Variants in OGDH observed in about 807,000 individuals in gnomAD.
The protein encoded by OGDH is oxoglutarate dehydrogenase.
In OGDH, 38 loss-of-function variants were observed where a neutral mutation model predicts 116.6. The ratio of observed to expected loss-of-function variants is 0.33; its 90% CI spans 0.25 to 0.43. OGDH has a LOEUF of 0.43. Among genes scored for constraint, OGDH ranks in the 20% least tolerant of loss-of-function variants. OGDH has a pLI of 1.00. For synonymous variants in OGDH, 488 were observed against 533.3 expected, an observed-to-expected ratio of 0.92 and a Z score of 1.17; for missense variants, 825 against 1,357.2, an observed-to-expected ratio of 0.61 and a Z score of 6.16.
Position 44,631,066 on chromosome 7 carries a change from C to T in OGDH, c.222+6501C>T, listed in dbSNP as rs144147888. Among the ~76,000 whole-genome samples, 289 of 152,264 alleles carry T rather than the reference C, an allele frequency of 1.9e-3. 5 individuals carry two copies. The East Asian group carries it at 0.047, about 25-fold the overall frequency. Reference sequence around the variant, plus strand: ...GTTCCAAACAGGCCACTGACCAGTACTGGTCTGTGGCCCGGGGGTTGGGGA... The same window carrying T: ...GTTCCAAACAGGCCACTGACCAGTATTGGTCTGTGGCCCGGGGGTTGGGGA... On this transcript the variant is annotated intron_variant, in intron 2 of 22. Transcript: ENST00000222673.
intron 10 of OGDH, 119 bp downstream of exon 10, chr7:44,681,967 C>G (rs1787946488): frequency 7.4e-7 from 1 of 1,354,552 alleles, no homozygotes; most frequent in Non-Finnish European, 1.0e-6. Flanking sequence ...TTATTAAAAA[C>G]CAGGTGCAGT....
chr7:44,636,355 A>C (rs2115654810), intron 2 of OGDH, among the ~76,000 whole-genome samples: 1 of 152,344 alleles, frequency 6.6e-6, no homozygotes, highest in Admixed American at 6.5e-5. Context: ...CTTGGCCCTC[A>C]AGACTCCCAA....
At chr7:44,624,186 T>G in intron 1 of OGDH, 131 bp from the exon 2 acceptor site, 2 of 645,232 alleles carry the variant, frequency 3.1e-6, no homozygotes, top group Non-Finnish European at 5.3e-6. Context: ...TTGTTTTTGT[T>G]TTTGTTTTTC....
intron 10 of OGDH, among the ~76,000 whole-genome samples, chr7:44,693,215 G>A (rs1788437355): frequency 6.6e-6 from 1 of 152,028 alleles, no homozygotes; most frequent in African/African-American, 2.4e-5. Context: ...GGCTAAGGCA[G>A]GATAATCGCT....
chr7:44,678,906 C>G (rs753448345), intron 9 of OGDH, among the ~76,000 whole-genome samples: 77 of 152,182 alleles, frequency 5.1e-4, no homozygotes, highest in Non-Finnish European at 9.6e-4. Context: ...ATCCCATAAC[C>G]TCATGCATGA....
In OGDH at chr7:44,624,562, T is replaced by G; in HGVS notation, c.219T>G (p.His73Gln). 1.2e-6 allele frequency: 2 copies of G among 1,612,996 alleles called. No individual in the cohort carries two copies. The highest frequency in any genetic ancestry group is 1.7e-6 in the Non-Finnish European group (2 of 1,179,810). The change falls in exon 2 of 23, where the codon CAT (histidine) becomes CAG (glutamine). Residue 73 changes from histidine to glutamine, a missense_variant. Physicochemically the swap from His to Gln is conservative, Grantham distance 24 (BLOSUM62 0). Transcript: ENST00000222673. ...CAWLENPKSV[H>Q]KSWDIFFRNT... ...GGCTGGAAAACCCCAAAAGTGTACA[T>G]AAGGTAAGGCTCGCAGGGCTGTGGG...
Position 44,635,443 on chromosome 7 carries a change from G to A in OGDH, c.223-9884G>A, listed in dbSNP as rs538299973. 1.3e-3 allele frequency among the ~76,000 whole-genome samples: 204 copies of A among 152,182 alleles called. 1 individual carries two copies. Among genetic ancestry groups the A allele is most frequent in the African/African-American group, 4.7e-3 (195 of 41,556 alleles). ...AAGGAGACCGGAGCCTGCCCCACCC[G>A]CGCCGCGGATTATTTAGACAAGGTG... On this transcript the variant is annotated intron_variant, in intron 2 of 22. Transcript: ENST00000222673.
chr7:44,612,108 G>A (rs1428979205), intron 1 of OGDH, among the ~76,000 whole-genome samples: 1 of 152,028 alleles, frequency 6.6e-6, no homozygotes. Context: ...TTTTTGTGGG[G>A]GGTTTTTGCT....
chr7:44,608,004 CATT>C (rs1055495866), intron 1 of OGDH, among the ~76,000 whole-genome samples: 1 of 151,678 alleles, frequency 6.6e-6, no homozygotes, highest in African/African-American at 2.4e-5. Flanking sequence ...CCCGGCCCCT[CATT>C]ATTTTTTTTA....
intron 1 of OGDH, among the ~76,000 whole-genome samples, chr7:44,613,726 C>G (rs1784657073): frequency 6.6e-6 from 1 of 151,576 alleles, no homozygotes; most frequent in Non-Finnish European, 1.5e-5. Flanking sequence ...AAACTCCTGA[C>G]CTCAAGTCAT....
intron 2 of OGDH, among the ~76,000 whole-genome samples, chr7:44,639,047 A>G (rs1356884632): frequency 6.6e-6 from 1 of 152,194 alleles, no homozygotes; most frequent in Non-Finnish European, 1.5e-5. Flanking sequence ...GGGAGAGGAC[A>G]AACATCCCAT....
chr7:44,665,660 T>G (rs1787154070), intron 4 of OGDH, among the ~76,000 whole-genome samples: 1 of 152,194 alleles, frequency 6.6e-6, no homozygotes, highest in Non-Finnish European at 1.5e-5. Context: ...TAAGAACATT[T>G]CATCAGGTCT....
intron 2 of OGDH, among the ~76,000 whole-genome samples, chr7:44,644,268 A>G (rs1429402103): frequency 6.6e-6 from 1 of 152,252 alleles, no homozygotes; most frequent in Non-Finnish European, 1.5e-5. Context: ...ACTTTTGTGA[A>G]GTCTTAGTAT....
At position 44,626,338 on chromosome 7, in the gene OGDH, C is replaced by CACACACACACACACACACACCCCT. The variant is rs1785206814; in HGVS notation, c.222+1793_222+1794insCCCTACACACACACACACACACAC. Among the ~76,000 whole-genome samples, 17 of 35,232 alleles carry CACACACACACACACACACACCCCT rather than the reference C, an allele frequency of 4.8e-4. No homozygotes were observed. In the Middle Eastern group the frequency reaches 0.049, roughly 101 times the overall value. 23.1% of individuals were successfully genotyped at this position (35,232 alleles called of 152,430 possible). ...ACACACACACACACACACACCCCTA[C>CACACACACACACACACACACCCCT]ACACACACACACACACACACACCCC... On this transcript the variant is annotated intron_variant, in intron 2 of 22. Transcript: ENST00000222673.
At chr7:44,681,487 C>T (rs886436729) in intron 9 of OGDH, among the ~76,000 whole-genome samples, 1 of 152,162 alleles carries the variant, frequency 6.6e-6, no homozygotes, top group Admixed American at 6.5e-5. Flanking sequence ...GTCTACAGCT[C>T]TTTCAGTGCT....
chr7:44,662,459 C>A (rs971269767), intron 4 of OGDH, among the ~76,000 whole-genome samples: 3 of 143,184 alleles, frequency 2.1e-5, no homozygotes. Context: ...CTTTTCTTTT[C>A]TTTTCTTTTT....
At chr7:44,649,245 GTT>G (rs373846462) in intron 4 of OGDH, among the ~76,000 whole-genome samples, 3,624 of 97,570 alleles carry the variant, frequency 0.037, 47 homozygotes, top group Middle Eastern at 0.11. Context: ...ATTTTCTGTT[GTT>G]TTTTTTTTTT....
At chr7:44,702,071 CAAA>C (rs79579664) in intron 20 of OGDH, among the ~76,000 whole-genome samples, 2 of 57,410 alleles carry the variant, frequency 3.5e-5, no homozygotes, top group African/African-American at 5.8e-5. Context: ...AACTCCGGCA[CAAA>C]AAAAAAAAAA....
intron 2 of OGDH, among the ~76,000 whole-genome samples, chr7:44,635,497 C>T (rs1254793841): frequency 1.3e-5 from 2 of 151,962 alleles, no homozygotes; most frequent in East Asian, 1.9e-4. Flanking sequence ...AGGGTAGCTA[C>T]GTGGGTGGGC....
Sources: allele counts gnomAD v4.1 joint callset (sites outside exome capture counted in the v4.1 genomes callset), GRCh38; gene constraint gnomAD v4.1.1; transcripts MANE v1.5; gene names NCBI Gene and HGNC (gene_info 2026-07-23, HGNC 2026-07-21).